Variants in PLEKHG1 observed in about 807,000 individuals in gnomAD.
PLEKHG1 encodes pleckstrin homology domain-containing family G member 1.
A neutral mutation model predicts 100.8 loss-of-function variants in PLEKHG1; 44 were observed. The ratio of observed to expected loss-of-function variants is 0.44; its 90% CI spans 0.34 to 0.56. The LOEUF (loss-of-function observed/expected upper bound fraction) is 0.56. Among genes scored for constraint, PLEKHG1 ranks in the 20% least tolerant of loss-of-function variants. The probability of loss-of-function intolerance (pLI) is 0.01; values close to 1 mark genes in which losing one functional copy is unlikely to be tolerated. For synonymous variants in PLEKHG1, 640 were observed against 662.5 expected (o/e 0.97, Z 0.52); for missense variants, 1,545 against 1,720.9 (o/e 0.90, Z 1.81).
At chr6:150,808,387 G>A (rs148437344) in intron 7 of PLEKHG1, among the ~76,000 whole-genome samples, 1,659 of 151,956 alleles carry the variant, frequency 0.011, 25 homozygotes, top group Non-Finnish European at 0.013. Flanking sequence ...TTCAGTATCC[G>A]GAAGAAAGTC....
intron 14 of PLEKHG1, among the ~76,000 whole-genome samples, chr6:150,825,756 G>A (rs1411325715): frequency 6.6e-6 from 1 of 152,202 alleles, no homozygotes; most frequent in Non-Finnish European, 1.5e-5. Context: ...TGTGACTACA[G>A]GCAAATTGCT....
chr6:150,840,959 G>C (rs1316263704), exon 16 of PLEKHG1: 3 of 1,258,772 alleles, frequency 2.4e-6, no homozygotes, highest in East Asian at 2.3e-5. Flanking sequence ...TACAGATACT[G>C]ATGAGGTGTT....
chr6:150,711,445 TTTCTC>T (rs1781239054), intron 3 of PLEKHG1, among the ~76,000 whole-genome samples: 1 of 152,180 alleles, frequency 6.6e-6, no homozygotes, highest in African/African-American at 2.4e-5. Context: ...TGAGGTGTGA[TTTCTC>T]TTGTATTTTC....
At chr6:150,830,977 A>G (rs1455777469) in exon 15 of PLEKHG1, 1 of 1,614,008 alleles carries the variant, frequency 6.2e-7, no homozygotes, top group Admixed American at 1.7e-5. Context: ...CTCCTGAAAT[A>G]GGAACTAGTG....
chr6:150,690,662 C>A (rs1214787327), intron 3 of PLEKHG1, among the ~76,000 whole-genome samples: 1 of 152,120 alleles, frequency 6.6e-6, no homozygotes, highest in East Asian at 1.9e-4. Context: ...AGGAAGGGTG[C>A]AAAATGAAAC....
intron 3 of PLEKHG1, chr6:150,664,157 AC>A (rs1449447043): frequency 6.6e-6 from 1 of 152,228 alleles, no homozygotes; most frequent in Non-Finnish European, 1.5e-5. Context: ...CTAAGTGGTC[AC>A]AAGATGTCTA....
chr6:150,678,063 CATATATATATATATATATATATATATAT>C (rs201616866), intron 3 of PLEKHG1, among the ~76,000 whole-genome samples: 5 of 60,120 alleles, frequency 8.3e-5, no homozygotes, highest in South Asian at 9.2e-4. Context: ...TGTTTTGATG[CATATATATATATATATATATATATATAT>C]ATATATATAT....
intron 3 of PLEKHG1, among the ~76,000 whole-genome samples, chr6:150,702,879 C>T (rs1780855320): frequency 6.6e-6 from 1 of 152,126 alleles, no homozygotes; most frequent in African/African-American, 2.4e-5. Flanking sequence ...TAGCTGATGA[C>T]CTGCTGCGTT....
intron 3 of PLEKHG1, among the ~76,000 whole-genome samples, chr6:150,686,283 C>T (rs942931500): frequency 1.3e-5 from 2 of 152,340 alleles, no homozygotes; most frequent in Non-Finnish European, 2.9e-5. Context: ...AACCAACTTT[C>T]GTCATTCTCA....
rs555809522 is a variant in PLEKHG1 at position 150,787,030 on chromosome 6, C to CAA, written c.582+591_582+592dup. Among the ~76,000 whole-genome samples, 133 of 57,546 alleles carry CAA rather than the reference C, an allele frequency of 2.3e-3. 2 individuals are homozygous for CAA. The Middle Eastern group carries it at 0.028, about 12-fold the overall frequency. 37.8% of individuals were successfully genotyped at this position (57,546 alleles called of 152,430 possible). A position where few individuals can be genotyped will look rare whatever the true frequency, so the allele number is the denominator to read the frequency against. Reference sequence around the variant, plus strand: ...GGGTGACAAGAGTGAGACTCTGTCTCAAAAAAAAAAAAAAAAAAAAAGAAG... The same window carrying CAA: ...GGGTGACAAGAGTGAGACTCTGTCTCAAAAAAAAAAAAAAAAAAAAAAAGAAG... On this transcript the variant is annotated intron_variant, in intron 4 of 15. Transcript: ENST00000358517.
intron 3 of PLEKHG1, among the ~76,000 whole-genome samples, chr6:150,708,182 G>A (rs567632557): frequency 1.3e-5 from 2 of 152,098 alleles, no homozygotes; most frequent in South Asian, 2.1e-4. Context: ...TTGGTTTTTC[G>A]GCCACCCAGT....
intron 2 of PLEKHG1, among the ~76,000 whole-genome samples, chr6:150,762,944 A>C (rs1422860271): frequency 1.3e-5 from 2 of 151,346 alleles, no homozygotes; most frequent in Non-Finnish European, 2.9e-5. Flanking sequence ...TTCTTGTAGC[A>C]CTTAAATGGT....
rs534496384 is a variant in PLEKHG1, at chr6:150,601,524, G to A, written c.-204+1507G>A. Among the ~76,000 whole-genome samples, 291 of 152,302 alleles carry A rather than the reference G, an allele frequency of 1.9e-3. 2 individuals are homozygous for A. Among genetic ancestry groups the A allele is most frequent in the African/African-American group, 6.0e-3 (249 of 41,562 alleles). On this transcript the variant is annotated intron_variant, in intron 1 of 3. Coordinates refer to the PLEKHG1 transcript ENST00000367326. ...ACAGAGAGAAAAGTAACGGGTTGAT[G>A]TTTGACTCTCTCAGCATTTTGAGTC...
upstream of PLEKHG1, among the ~76,000 whole-genome samples, chr6:150,717,659 G>A (rs767631869): frequency 1.3e-5 from 2 of 152,218 alleles, no homozygotes; most frequent in Admixed American, 6.5e-5. Flanking sequence ...AATGGAATGC[G>A]AACTTCCTGG....
At chr6:150,690,873 C>T (rs1451270219) in intron 3 of PLEKHG1, among the ~76,000 whole-genome samples, 1 of 152,216 alleles carries the variant, frequency 6.6e-6, no homozygotes, top group East Asian at 1.9e-4. Context: ...TGGAAAGCTG[C>T]TTCAGCTCAC....
At chr6:150,752,444 C>T (rs1783573350) in intron 2 of PLEKHG1, among the ~76,000 whole-genome samples, 1 of 152,174 alleles carries the variant, frequency 6.6e-6, no homozygotes, top group South Asian at 2.1e-4. Flanking sequence ...CACTGACTCC[C>T]CATTCCCCTC....
intron 1 of PLEKHG1, among the ~76,000 whole-genome samples, chr6:150,634,250 C>CAA (rs139347441): frequency 0.086 from 10,367 of 120,238 alleles, 479 homozygotes; most frequent in Non-Finnish European, 0.12. Flanking sequence ...ATCTCCCCCC[C>CAA]AAAAAAAAAA....
chr6:150,774,101 C>G (rs1320179442), intron 3 of PLEKHG1, among the ~76,000 whole-genome samples: 45 of 152,152 alleles, frequency 3.0e-4, no homozygotes, highest in Non-Finnish European at 1.2e-4. Context: ...TCATAGATCT[C>G]TTGGATTTCT....
chr6:150,772,892 A>G (rs1261873024), intron 3 of PLEKHG1, among the ~76,000 whole-genome samples: 15 of 152,250 alleles, frequency 9.9e-5, no homozygotes, highest in East Asian at 7.7e-4. Flanking sequence ...TTATTGTTGT[A>G]TAGGAGTTCT....
Sources: allele counts gnomAD v4.1 joint callset (sites outside exome capture counted in the v4.1 genomes callset), GRCh38; gene constraint gnomAD v4.1.1; transcripts MANE v1.5; gene names NCBI Gene and HGNC (gene_info 2026-07-23, HGNC 2026-07-21).